The following APBB2 variants were observed in gnomAD, a reference collection of about 807,000 sequenced individuals.
The protein encoded by APBB2 is Fe65-like 1.
APBB2 carries 38 observed loss-of-function variants against 82.5 expected under a neutral mutation model. The ratio of observed to expected loss-of-function variants is 0.46; its 90% CI spans 0.36 to 0.60. APBB2 has a LOEUF of 0.60. Ranked by LOEUF, APBB2 falls within the 20% of genes least tolerant of loss-of-function variation. The pLI is 0.00. For synonymous variants in APBB2, 341 were observed against 368.2 expected, an observed-to-expected ratio of 0.93 and a Z score of 0.85; for missense variants, 772 against 972.3, an observed-to-expected ratio of 0.79 and a Z score of 2.74.
At chr4:40,903,014 A>C (rs1186884049) in intron 10 of APBB2, among the ~76,000 whole-genome samples, 1 of 152,170 alleles carries the variant, frequency 6.6e-6, no homozygotes, top group East Asian at 1.9e-4. Flanking sequence ...ACAGTGGTGC[A>C]CACCTGTAGT....
intron 6 of APBB2, among the ~76,000 whole-genome samples, chr4:40,982,400 G>GA (rs1491531264): frequency 6.2e-5 from 1 of 16,046 alleles, no homozygotes; most frequent in Non-Finnish European, 1.4e-4. Context: ...GGAAAGGAAA[G>GA]GAAAGAAAGA....
intron 10 of APBB2, among the ~76,000 whole-genome samples, chr4:40,907,568 G>A (rs1471150821): frequency 1.3e-5 from 2 of 150,030 alleles, no homozygotes; most frequent in Non-Finnish European, 3.0e-5. Flanking sequence ...ATGGGGTTTC[G>A]CCCTGTTGGT....
intron 2 of APBB2, among the ~76,000 whole-genome samples, chr4:41,136,170 G>A (rs368070919): frequency 6.6e-6 from 1 of 152,152 alleles, no homozygotes; most frequent in African/African-American, 2.4e-5. Flanking sequence ...AGTAAACGAT[G>A]GTTAAGAGGT....
chr4:40,856,206 C>T (rs774753997), intron 12 of APBB2, among the ~76,000 whole-genome samples: 2 of 152,188 alleles, frequency 1.3e-5, no homozygotes, highest in Non-Finnish European at 2.9e-5. Context: ...GGGATTGCCC[C>T]CTCCTTCCGC....
At chr4:41,006,400 T>G (rs1806748347) in intron 6 of APBB2, among the ~76,000 whole-genome samples, 1 of 152,202 alleles carries the variant, frequency 6.6e-6, no homozygotes, top group Non-Finnish European at 1.5e-5. Flanking sequence ...CTTAAAAGAT[T>G]AAAATTAATG....
chr4:40,875,229 A>T (rs1231153167), intron 12 of APBB2, among the ~76,000 whole-genome samples: 3 of 152,248 alleles, frequency 2.0e-5, no homozygotes, highest in Non-Finnish European at 4.4e-5. Flanking sequence ...CAGAGATGGG[A>T]GTTAAAGATC....
intron 1 of APBB2, among the ~76,000 whole-genome samples, chr4:41,186,330 T>C (rs1428414247): frequency 5.9e-5 from 9 of 152,210 alleles, no homozygotes; most frequent in Admixed American, 5.2e-4. Flanking sequence ...TCTTACATAG[T>C]GCCTGAAGCT....
chr4:41,074,605 ATTATTTT>A (rs1206021815), intron 3 of APBB2, among the ~76,000 whole-genome samples: 6 of 107,424 alleles, frequency 5.6e-5, no homozygotes, highest in Non-Finnish European at 4.1e-5. Flanking sequence ...TATTATTATT[ATTATTTT>A]TTTTTTTTTT....
intron 1 of APBB2, among the ~76,000 whole-genome samples, chr4:41,180,211 G>C (rs1770946118): frequency 6.6e-6 from 1 of 152,128 alleles, no homozygotes; most frequent in Non-Finnish European, 1.5e-5. Context: ...TCTCTTACAA[G>C]GACACAAATG....
chr4:40,826,066 C>A lies in APBB2; in HGVS notation c.1733-96G>T, dbSNP rs572256262. 5.2e-4 allele frequency: 466 copies of A among 898,434 alleles called. 4 individuals are homozygous for A. The South Asian group carries it at 5.3e-3, about 10-fold the overall frequency. 55.7% of individuals were successfully genotyped at this position (898,434 alleles called of 1,614,324 possible). On this transcript the variant is annotated intron_variant, in intron 14 of 17. Transcript: ENST00000508593. The surrounding 1 kb of genome is among the most constrained non-coding windows in gnomAD (Gnocchi z 4.5). ...GCATCATCTGAATGCTCAGGACACGCCCTGTGCCATAACGCCCTATGTTTC... is the reference window on the plus strand; with the variant it reads ...GCATCATCTGAATGCTCAGGACACGACCTGTGCCATAACGCCCTATGTTTC...
At chr4:41,125,097 T>C (rs1025771042) in intron 2 of APBB2, among the ~76,000 whole-genome samples, 1 of 152,216 alleles carries the variant, frequency 6.6e-6, no homozygotes, top group African/African-American at 2.4e-5. Flanking sequence ...ACTATTTTGA[T>C]TGCAGGTGCT....
At chr4:41,050,890 T>G (rs1470038164) in intron 4 of APBB2, among the ~76,000 whole-genome samples, 1 of 152,126 alleles carries the variant, frequency 6.6e-6, no homozygotes, top group East Asian at 1.9e-4. Context: ...GACCTGCATT[T>G]AGAAGCCTCC....
rs1744500174 is a variant in APBB2 at position 40,811,939 on chromosome 4, C to CTT, written c.*4151_*4152dup. ...GATTTAGTGTGTGTACACCTCTATT[C>CTT]TTTATTCTTTGATGTCAGGTTCTTA... On this transcript the variant is annotated 3_prime_UTR_variant, in exon 18 of 18. Coordinates refer to ENST00000508593, the MANE Select transcript of APBB2 (RefSeq NM_004307.2). 6.6e-6 allele frequency: 1 copy of CTT among 152,254 alleles called. No homozygotes were observed. Among genetic ancestry groups the CTT allele is most frequent in the East Asian group, 1.9e-4 (1 of 5,174 alleles). 9.4% of individuals were successfully genotyped at this position (152,254 alleles called of 1,614,324 possible). A position where few individuals can be genotyped will look rare whatever the true frequency, so the allele number is the denominator to read the frequency against.
chr4:41,191,291 C>T (rs1325552129), intron 1 of APBB2, among the ~76,000 whole-genome samples: 1 of 152,160 alleles, frequency 6.6e-6, no homozygotes, highest in Non-Finnish European at 1.5e-5. Flanking sequence ...TTAACATAAT[C>T]GAACCACGTG....
intron 7 of APBB2, among the ~76,000 whole-genome samples, chr4:40,940,034 A>C (rs186344671): frequency 1.5e-4 from 23 of 152,240 alleles, no homozygotes; most frequent in African/African-American, 5.5e-4. Context: ...TATGCAGCTG[A>C]TTTATTTTTT....
chr4:40,879,903 G>C, intron 12 of APBB2: 1 of 524,582 alleles, frequency 1.9e-6, no homozygotes, highest in African/African-American at 2.1e-5. Context: ...TGTTGGACAG[G>C]CTGGTCTCGA....
chr4:40,944,992 G>A lies in APBB2; in HGVS notation c.917C>T (p.Thr306Ile). 6.2e-7 allele frequency: 1 copy of A among 1,611,318 alleles called. No individual in the cohort carries two copies. Among genetic ancestry groups the A allele is most frequent in the South Asian group, 1.1e-5 (1 of 91,016 alleles). The change falls in exon 7 of 18, where the codon ACC becomes ATC. Residue 306 changes from threonine to isoleucine, a missense_variant. Coordinates refer to ENST00000508593, the MANE Select transcript of APBB2 (RefSeq NM_004307.2). Reference sequence around the variant, plus strand: ...TCCTGTTGGGATGTGCCAATAATAGGTCCCGGCAATGTCACTGACTCTTTT... The same window carrying A: ...TCCTGTTGGGATGTGCCAATAATAGATCCCGGCAATGTCACTGACTCTTTT... ...GWKRVSDIAG[T>I]YYWHIPTGTT...
At chr4:41,182,584 T>A (rs1771730049) in intron 1 of APBB2, among the ~76,000 whole-genome samples, 1 of 152,222 alleles carries the variant, frequency 6.6e-6, no homozygotes, top group African/African-American at 2.4e-5. Flanking sequence ...AATAGCTATA[T>A]TAATCTGTTT....
At chr4:41,086,436 T>C (rs1248786147) in intron 3 of APBB2, among the ~76,000 whole-genome samples, 1 of 152,124 alleles carries the variant, frequency 6.6e-6, no homozygotes, top group Non-Finnish European at 1.5e-5. Context: ...CTAAACCAAA[T>C]TCAACAGCTT....
Sources: allele counts gnomAD v4.1 joint callset (sites outside exome capture counted in the v4.1 genomes callset), GRCh38; gene constraint gnomAD v4.1.1; non-coding constraint Gnocchi (gnomAD v3.1); transcripts MANE v1.5; gene names NCBI Gene and HGNC (gene_info 2026-07-23, HGNC 2026-07-21).